The following SYNE1 variants were observed in gnomAD, a reference collection of about 807,000 sequenced individuals.
SYNE1 encodes the protein spectrin repeat containing nuclear envelope protein 1, also known as nesprin-1.
Under a neutral mutation model 1,111.0 loss-of-function variants are expected in SYNE1, and 616 were observed. That is an observed-to-expected ratio of 0.55 (90% CI 0.52 to 0.59). The LOEUF (loss-of-function observed/expected upper bound fraction) is 0.59. SYNE1 is among the 20% of genes least tolerant of loss of function. SYNE1 has a pLI of 0.00. For missense variants in SYNE1, 10,006 were observed against 10,417.0 expected (o/e 0.96, Z 1.72); for synonymous variants, 3,855 against 3,825.8 (o/e 1.01, Z -0.28).
chr6:152,388,292 C>T (rs1235086469), intron 53 of SYNE1, among the ~76,000 whole-genome samples: 2 of 151,750 alleles, frequency 1.3e-5, no homozygotes, highest in African/African-American at 4.8e-5. Flanking sequence ...GTCACCAAGG[C>T]TGTAGTGCTG....
At position 152,152,186 on chromosome 6, in the gene SYNE1, ACTCTCAGTAGTGG is replaced by A. The variant is rs749562454; in HGVS notation, c.24130-58_24130-46del. 3 of 1,569,852 alleles carry A rather than the reference ACTCTCAGTAGTGG, an allele frequency of 1.9e-6. No homozygotes were observed. In the African/African-American group the frequency reaches 4.1e-5, roughly 21 times the overall value. On this transcript the variant is annotated intron_variant, in intron 133 of 145. Transcript: ENST00000367255. ...TATCAGTGTGAGAAATCAGCGAAGG[ACTCTCAGTAGTGG>A]CTCCTGGTTTTCTTATTGTAGCGTC...
At chr6:152,136,353 G>A (rs1342975344) in intron 141 of SYNE1, among the ~76,000 whole-genome samples, 1 of 152,246 alleles carries the variant, frequency 6.6e-6, no homozygotes, top group Non-Finnish European at 1.5e-5. Flanking sequence ...ATGAGTCATA[G>A]AAGGAGCGTT....
At chr6:152,322,235 A>T (rs898643736) in intron 82 of SYNE1, among the ~76,000 whole-genome samples, 8 of 152,208 alleles carry the variant, frequency 5.3e-5, no homozygotes, top group Non-Finnish European at 1.5e-5. Flanking sequence ...ATATATAGCT[A>T]TCTAATAGAA....
intron 11 of SYNE1, among the ~76,000 whole-genome samples, chr6:152,498,437 C>T (rs866500208): frequency 3.9e-5 from 6 of 152,182 alleles, no homozygotes; most frequent in South Asian, 2.1e-4. Flanking sequence ...AGACACCATA[C>T]GTAGTTACTG....
intron 3 of SYNE1, among the ~76,000 whole-genome samples, chr6:152,624,578 A>G (rs1002332414): frequency 2.0e-5 from 3 of 152,176 alleles, no homozygotes; most frequent in African/African-American, 7.2e-5. Context: ...GTGCATTTAA[A>G]GTTTTAATAC....
intron 98 of SYNE1, chr6:152,277,726 C>A: frequency 4.3e-6 from 1 of 234,450 alleles, no homozygotes; most frequent in Non-Finnish European, 8.4e-6. Flanking sequence ...TTTCTTTGAC[C>A]CACTTCTCCT....
At chr6:152,149,722 T>C (rs1250423482) in intron 135 of SYNE1, 54 bp from the exon 136 acceptor site, 17 of 1,461,822 alleles carry the variant, frequency 1.2e-5, no homozygotes, top group Non-Finnish European at 2.9e-6. Flanking sequence ...TACATTGATA[T>C]AAAAGAATCA....
At chr6:152,462,557 A>G in intron 20 of SYNE1, 181 bp downstream of exon 20, 1 of 665,298 alleles carries the variant, frequency 1.5e-6, no homozygotes, top group Non-Finnish European at 2.6e-6. Context: ...TTATATGATC[A>G]AGTCATGTCT....
Position 152,449,571 on chromosome 6 carries a change from C to T in SYNE1, c.3466G>A (p.Asp1156Asn), listed in dbSNP as rs1207544980. 6 of 1,614,078 alleles carry T rather than the reference C, an allele frequency of 3.7e-6. No individual in the cohort carries two copies. Among genetic ancestry groups the T allele is most frequent in the South Asian group, 1.1e-5 (1 of 91,080 alleles). The change falls in exon 28 of 146, where the codon GAT (aspartate) becomes AAT (asparagine). Residue 1156 changes from aspartate (D) to asparagine (N), a missense_variant. By Grantham distance (23) the Asp-to-Asn change is conservative. Transcript: ENST00000367255. ...QLKGIKGEAIDTANHGEVKRA... is the reference protein window; with the variant it reads ...QLKGIKGEAINTANHGEVKRA... Reference sequence around the variant, plus strand: ...TTAACCTCTCCGTGGTTGGCAGTATCGATGGCCTCACCCTTGATCCCCTTT... The same window carrying T: ...TTAACCTCTCCGTGGTTGGCAGTATTGATGGCCTCACCCTTGATCCCCTTT...
At position 152,413,364 on chromosome 6, in the gene SYNE1, A is replaced by G; in HGVS notation, c.6218T>C (p.Leu2073Pro). ...LEVTWDDTKR[L>P]IHENQGQCCG... ...GGTTTTGACTTACTTTTCATGAATT[A>G]GTCTTTTGGTATCATCCCAGGTGAC... The change falls in exon 42 of 146, where the codon CTA becomes CCA. Residue 2073 changes from leucine to proline, a missense_variant. Transcript: ENST00000367255. 6.2e-7 allele frequency: 1 copy of G among 1,614,164 alleles called. No homozygotes were observed. The highest frequency in any genetic ancestry group is 8.5e-7 in the Non-Finnish European group (1 of 1,180,016).
At position 152,253,817 on chromosome 6, in the gene SYNE1, G is replaced by GTTTTTTTTTTTTTTTTTTTTTTTTTTTT. The variant is rs1491115589; in HGVS notation, c.19470+1062_19470+1063insAAAAAAAAAAAAAAAAAAAAAAAAAAAA. 9.3e-4 allele frequency among the ~76,000 whole-genome samples: 55 copies of GTTTTTTTTTTTTTTTTTTTTTTTTTTTT among 59,154 alleles called. 22 individuals are homozygous for GTTTTTTTTTTTTTTTTTTTTTTTTTTTT. Among genetic ancestry groups the GTTTTTTTTTTTTTTTTTTTTTTTTTTTT allele is most frequent in the Non-Finnish European group, 1.0e-3 (36 of 35,306 alleles). 38.8% of individuals were successfully genotyped at this position (59,154 alleles called of 152,430 possible). ...ATGCTACATTTATGTGTAGTGGTTT[G>GTTTTTTTTTTTTTTTTTTTTTTTTTTTT]GTTTTTTTTTTTTTTTTTTTTTTTT... On this transcript the variant is annotated intron_variant, in intron 104 of 145. Coordinates refer to ENST00000367255, the MANE Select transcript of SYNE1 (RefSeq NM_182961.4).
chr6:152,275,908 C>A (rs12174080), intron 98 of SYNE1, among the ~76,000 whole-genome samples: 24,957 of 149,688 alleles, frequency 0.17, 2,544 homozygotes, highest in East Asian at 0.46. Flanking sequence ...AAAAAATCCA[C>A]ACACATATAT....
chr6:152,570,541 G>A (rs1045637247), intron 3 of SYNE1, among the ~76,000 whole-genome samples: 1 of 152,150 alleles, frequency 6.6e-6, no homozygotes, highest in African/African-American at 2.4e-5. Context: ...GTGCAGCCTT[G>A]CCAGCACTAG....
At chr6:152,400,752 G>T (rs904483557) in intron 47 of SYNE1, among the ~76,000 whole-genome samples, 2 of 152,080 alleles carry the variant, frequency 1.3e-5, no homozygotes, top group Non-Finnish European at 2.9e-5. Context: ...CTGGATGAAA[G>T]AAGTCACAGT....
chr6:152,370,798 T>A (rs954858111), intron 59 of SYNE1, among the ~76,000 whole-genome samples: 2 of 152,202 alleles, frequency 1.3e-5, no homozygotes, highest in Non-Finnish European at 2.9e-5. Context: ...ATGAAACTTA[T>A]GAGAGAATAG....
At position 152,524,452 on chromosome 6, in the gene SYNE1, A is replaced by G. The variant is rs1299934656; in HGVS notation, c.225+1628T>C. On this transcript the variant is annotated intron_variant, in intron 5 of 145. Coordinates refer to ENST00000367255, the MANE Select transcript of SYNE1 (RefSeq NM_182961.4). ...AGATTCCTTTAACCTTCAAGAAAATAGCTTAATTCAGGAGGATATATCTAA... is the reference window on the plus strand; with the variant it reads ...AGATTCCTTTAACCTTCAAGAAAATGGCTTAATTCAGGAGGATATATCTAA... Among the ~76,000 whole-genome samples the G allele has an allele frequency of 2.6e-5, 4 of 152,270 alleles. No homozygotes were observed. In the East Asian group the frequency reaches 7.7e-4, roughly 29 times the overall value.
At chr6:152,137,117 A>G (rs2057274673) in intron 140 of SYNE1, among the ~76,000 whole-genome samples, 1 of 152,184 alleles carries the variant, frequency 6.6e-6, no homozygotes, top group East Asian at 1.9e-4. Flanking sequence ...ACAAATCCAC[A>G]TTTTTAAAGA....
chr6:152,440,299 G>C (rs775608749), intron 32 of SYNE1, among the ~76,000 whole-genome samples: 1 of 152,134 alleles, frequency 6.6e-6, no homozygotes, highest in South Asian at 2.1e-4. Flanking sequence ...AGCTCTGATC[G>C]TGTGGCTTTT....
intron 3 of SYNE1, among the ~76,000 whole-genome samples, chr6:152,562,636 G>A (rs754355723): frequency 2.0e-5 from 3 of 152,098 alleles, no homozygotes; most frequent in African/African-American, 7.2e-5. Flanking sequence ...CTAAGATGTG[G>A]AATCAACCTG....
Sources: gnomAD v4.1 joint callset for allele counts (sites outside exome capture counted in the v4.1 genomes callset) on GRCh38, gnomAD v4.1.1 for gene constraint, MANE v1.5 for transcripts, NCBI Gene and HGNC (gene_info 2026-07-23, HGNC 2026-07-21) for gene names.